The following DST variants were observed in gnomAD, a reference collection of about 807,000 sequenced individuals.
DST encodes dystonin, also known as bullous pemphigoid antigen.
Under a neutral mutation model 875.2 loss-of-function variants are expected in DST, and 253 were observed. The observed-to-expected ratio is 0.29, with a 90% confidence interval of 0.26 to 0.32. The LOEUF (loss-of-function observed/expected upper bound fraction) is 0.32. DST is among the 10% of genes least tolerant of loss of function. The pLI is 1.00. For missense variants in DST, 8,287 were observed against 9,111.6 expected (o/e 0.91, Z 3.68); for synonymous variants, 3,124 against 3,197.1 (o/e 0.98, Z 0.77).
At chr6:56,804,498 T>C (rs2099750894) in intron 4 of DST, among the ~76,000 whole-genome samples, 1 of 152,174 alleles carries the variant, frequency 6.6e-6, no homozygotes, top group South Asian at 2.1e-4. Flanking sequence ...CAAAGAAATC[T>C]TAATATATCT....
intron 4 of DST, among the ~76,000 whole-genome samples, chr6:56,842,599 C>G (rs2099801581): frequency 6.6e-6 from 1 of 151,976 alleles, no homozygotes; most frequent in South Asian, 2.1e-4. Flanking sequence ...TAGTCACAAA[C>G]TTTATCAAAT....
chr6:56,846,942 G>A (rs2127567523), intron 4 of DST, among the ~76,000 whole-genome samples: 2 of 147,612 alleles, frequency 1.4e-5, no homozygotes, highest in South Asian at 4.3e-4. Context: ...GGTAGAGGTT[G>A]CAGTGAGCTG....
At chr6:56,463,910 A>G (rs368302586) in intron 100 of DST, 146 bp from the exon 101 acceptor site, 2 of 864,234 alleles carry the variant, frequency 2.3e-6, no homozygotes, top group African/African-American at 1.6e-5. Context: ...ACTCCAACTC[A>G]GCATAACAAA....
intron 69 of DST, among the ~76,000 whole-genome samples, chr6:56,518,038 TCCAAG>T (rs1189419558): frequency 1.3e-5 from 2 of 152,082 alleles, no homozygotes; most frequent in Non-Finnish European, 2.9e-5. Flanking sequence ...AGTACATAGT[TCCAAG>T]CAAAAAGAAT....
intron 100 of DST, chr6:56,464,456 A>G (rs1254950454): frequency 1.8e-6 from 1 of 547,966 alleles, no homozygotes. Flanking sequence ...GAACCCGGTG[A>G]GCAACGTGTT....
intron 3 of DST, among the ~76,000 whole-genome samples, chr6:56,869,226 T>C (rs1775777757): frequency 6.6e-6 from 1 of 152,196 alleles, no homozygotes; most frequent in African/African-American, 2.4e-5. Flanking sequence ...CTTGACTTCC[T>C]AACAAACCTT....
chr6:56,684,950 C>T (rs1036121057), intron 9 of DST, among the ~76,000 whole-genome samples: 2 of 152,182 alleles, frequency 1.3e-5, no homozygotes, highest in South Asian at 2.1e-4. Context: ...AAATTTTCCT[C>T]ACGAGACCAG....
intron 2 of DST, among the ~76,000 whole-genome samples, chr6:56,936,742 A>G (rs1813203165): frequency 6.6e-6 from 1 of 152,178 alleles, no homozygotes; most frequent in Non-Finnish European, 1.5e-5. Context: ...ATCCGAAAGT[A>G]CTATCAACCA....
intron 10 of DST, among the ~76,000 whole-genome samples, chr6:56,669,154 T>G (rs568976268): frequency 1.3e-5 from 2 of 152,188 alleles, no homozygotes; most frequent in East Asian, 3.9e-4. Flanking sequence ...TCCTATATAA[T>G]TATTTTTATT....
intron 12 of DST, among the ~76,000 whole-genome samples, chr6:56,650,368 C>T (rs995078748): frequency 7.5e-6 from 1 of 132,496 alleles, no homozygotes; most frequent in African/African-American, 2.9e-5. Context: ...AAGTGAGTTA[C>T]ACAAACCTTT....
intron 5 of DST, among the ~76,000 whole-genome samples, chr6:56,707,521 A>G (rs1035875271): frequency 6.6e-5 from 10 of 152,188 alleles, no homozygotes; most frequent in Non-Finnish European, 1.5e-4. Context: ...GGACAGTAGA[A>G]TCCAAGCACA....
At chr6:56,944,587 G>T (rs1048432875) in intron 2 of DST, among the ~76,000 whole-genome samples, 8 of 152,174 alleles carry the variant, frequency 5.3e-5, no homozygotes, top group African/African-American at 1.9e-4. Flanking sequence ...ATCATGGTCT[G>T]TTTGAAGAAT....
intron 3 of DST, among the ~76,000 whole-genome samples, chr6:56,894,881 G>A (rs1369750064): frequency 6.3e-5 from 4 of 63,590 alleles, no homozygotes; most frequent in East Asian, 4.8e-4. Flanking sequence ...CCTCCTGGGC[G>A]GGGCGGCTGG....
At chr6:56,644,822 T>C (rs1447335628) in intron 15 of DST, among the ~76,000 whole-genome samples, 1 of 152,146 alleles carries the variant, frequency 6.6e-6, no homozygotes, top group African/African-American at 2.4e-5. Context: ...CCCTGTAATA[T>C]GGTTTGCCTG....
At chr6:56,542,466 A>G (rs977247548) in intron 61 of DST, 4 of 149,178 alleles carry the variant, frequency 2.7e-5, no homozygotes, top group African/African-American at 7.6e-5. Flanking sequence ...GCCATTTCCA[A>G]AGATTCTTAT....
chr6:56,494,999 C>T (rs2095861096), intron 82 of DST, among the ~76,000 whole-genome samples: 1 of 151,780 alleles, frequency 6.6e-6, no homozygotes, highest in Non-Finnish European at 1.5e-5. Flanking sequence ...ATATAAAATA[C>T]ACTATTATAA....
chr6:56,843,715 A>G, intron 4 of DST: 2 of 123,932 alleles, frequency 1.6e-5, no homozygotes, highest in Non-Finnish European at 2.3e-5. Context: ...AGGAGGGTGG[A>G]GGGTGGAGGG....
Position 56,605,514 on chromosome 6 carries a change from G to A in DST, c.9114C>T (p.Gly3038=), listed in dbSNP as rs1554471297. 6.2e-7 allele frequency: 1 copy of A among 1,612,810 alleles called. No individual in the cohort carries two copies. Residue 3038 remains glycine, a synonymous_variant, in exon 40 of 104, where the codon GGC becomes GGT. Coordinates refer to ENST00000680361, the MANE Select transcript of DST (RefSeq NM_001374736.1). ...NGSDLIKGRD[G]KSDILIEDET... is the part of the protein sequence containing the mutation. ...CATCTTCTATTAGAATATCACTTTT[G>A]CCATCTCTCCCTTTAATGAGATCGC...
chr6:56,701,929 G>C lies in DST; in HGVS notation c.913C>G (p.Gln305Glu), dbSNP rs759715225. Residue 305 changes from glutamine (Q) to glutamate (E), a missense_variant, in exon 8 of 104, where the codon CAG becomes GAG. Around this residue, in one of 10 missense-constraint regions of DST, gnomAD observed 1,160 missense variants for 1,424.3 expected, o/e 0.81. Transcript: ENST00000680361. ...TAGTCAAGTGCAATTTGTACATTCT[G>C]TAGTCTGTGAAAACGCATCCGACCT... ...EKGRMRFHRLQNVQIALDYLK... is the reference protein window; with the variant it reads ...EKGRMRFHRLENVQIALDYLK... 1 of 1,612,150 alleles carries C rather than the reference G, an allele frequency of 6.2e-7. No homozygotes were observed. Among genetic ancestry groups the C allele is most frequent in the Non-Finnish European group, 8.5e-7 (1 of 1,178,742 alleles).
Sources: gnomAD v4.1 joint callset for allele counts (sites outside exome capture counted in the v4.1 genomes callset) on GRCh38, gnomAD v4.1.1 for gene constraint, gnomAD v4.1.1 regional missense constraint, MANE v1.5 for transcripts, NCBI Gene and HGNC (gene_info 2026-07-23, HGNC 2026-07-21) for gene names.